The following JPH1 variants were observed in gnomAD, a reference collection of about 807,000 sequenced individuals.
The protein encoded by JPH1 is junctophilin 1, also known as junctophilin-1.
A neutral mutation model predicts 53.6 loss-of-function variants in JPH1; 12 were observed. The ratio of observed to expected loss-of-function variants is 0.22; its 90% CI spans 0.14 to 0.36. The LOEUF (loss-of-function observed/expected upper bound fraction) is 0.36. Among genes scored for constraint, JPH1 ranks in the 10% least tolerant of loss-of-function variants. JPH1 has a pLI of 1.00. For synonymous variants in JPH1, 375 were observed against 363.8 expected, an observed-to-expected ratio of 1.03 and a Z score of -0.35; for missense variants, 808 against 905.5, an observed-to-expected ratio of 0.89 and a Z score of 1.38.
intron 3 of JPH1, among the ~76,000 whole-genome samples, chr8:74,257,448 G>T (rs1348183154): frequency 6.6e-6 from 1 of 152,158 alleles, no homozygotes; most frequent in Non-Finnish European, 1.5e-5. Flanking sequence ...AGAATTAACA[G>T]AACCAAGAAA....
intron 4 of JPH1, among the ~76,000 whole-genome samples, chr8:74,242,198 G>C (rs1181331127): frequency 1.3e-5 from 2 of 152,180 alleles, no homozygotes; most frequent in Non-Finnish European, 2.9e-5. Flanking sequence ...AATAGCCAGG[G>C]TGATCCTGAG....
chr8:74,255,744 C>T (rs975611616), intron 3 of JPH1, among the ~76,000 whole-genome samples: 2 of 152,180 alleles, frequency 1.3e-5, no homozygotes, highest in Admixed American at 6.5e-5. Context: ...TATGAACAGA[C>T]ACTTCTCAAA....
At chr8:74,318,635 G>T (rs921213180) in intron 1 of JPH1, among the ~76,000 whole-genome samples, 1 of 152,108 alleles carries the variant, frequency 6.6e-6, no homozygotes, top group Non-Finnish European at 1.5e-5. Flanking sequence ...TGGAATTACT[G>T]CTTCCTTCCT....
At chr8:74,255,815 A>G (rs1806205145) in intron 3 of JPH1, among the ~76,000 whole-genome samples, 1 of 152,238 alleles carries the variant, frequency 6.6e-6, no homozygotes, top group Non-Finnish European at 1.5e-5. Context: ...TGGCCATCAG[A>G]GAAATGCAAA....
intron 2 of JPH1, among the ~76,000 whole-genome samples, chr8:74,272,661 T>C (rs1490636106): frequency 1.3e-5 from 2 of 148,752 alleles, no homozygotes; most frequent in East Asian, 2.0e-4. Context: ...TGGAGTGCAG[T>C]GGCGCGATCT....
chr8:74,241,054 T>A (rs996188098), intron 4 of JPH1, among the ~76,000 whole-genome samples: 1 of 151,818 alleles, frequency 6.6e-6, no homozygotes, highest in African/African-American at 2.4e-5. Context: ...TACATATATA[T>A]TTTTTTCTTT....
chr8:74,302,119 C>G (rs182044719), intron 2 of JPH1, among the ~76,000 whole-genome samples: 24 of 152,340 alleles, frequency 1.6e-4, no homozygotes, highest in Admixed American at 7.8e-4. Context: ...CACTCAAGAC[C>G]TGTTGGGTCT....
chr8:74,285,549 T>C (rs1475499210), intron 2 of JPH1, among the ~76,000 whole-genome samples: 1 of 152,184 alleles, frequency 6.6e-6, no homozygotes, highest in Non-Finnish European at 1.5e-5. Flanking sequence ...ATTTCCTTTT[T>C]ATAAATTTAG....
chr8:74,251,306 C>G (rs1806051685), intron 3 of JPH1, among the ~76,000 whole-genome samples: 1 of 152,094 alleles, frequency 6.6e-6, no homozygotes, highest in Admixed American at 6.5e-5. Flanking sequence ...TTTTATAACC[C>G]AATCAGGTTA....
intron 2 of JPH1, among the ~76,000 whole-genome samples, chr8:74,290,202 G>C (rs1429963978): frequency 1.3e-5 from 2 of 152,180 alleles, no homozygotes; most frequent in African/African-American, 4.8e-5. Flanking sequence ...AATTATCCCT[G>C]TTTGCAGATG....
Position 74,235,912 on chromosome 8 carries a change from A to C in JPH1, c.*1139T>G, listed in dbSNP as rs891841854. The C allele has an allele frequency of 6.6e-6, 1 of 152,264 alleles. No homozygotes were observed. The highest frequency in any genetic ancestry group is 2.4e-5 in the African/African-American group (1 of 41,478). 9.4% of individuals were successfully genotyped at this position (152,264 alleles called of 1,614,324 possible). A position where few individuals can be genotyped will look rare whatever the true frequency, so the allele number is the denominator to read the frequency against. ...CAACAGAAATTTAAGTTGGAAAAAG[A>C]AAACAAGAAAGAGCAGAGCAGTTTA... On this transcript the variant is annotated 3_prime_UTR_variant, in exon 6 of 6. Coordinates refer to ENST00000342232, the MANE Select transcript of JPH1 (RefSeq NM_020647.4).
intron 2 of JPH1, among the ~76,000 whole-genome samples, chr8:74,298,108 C>T (rs753963586): frequency 2.0e-5 from 3 of 152,166 alleles, no homozygotes; most frequent in Non-Finnish European, 4.4e-5. Flanking sequence ...TTGATGTATT[C>T]ATATCCTCGG....
intron 2 of JPH1, among the ~76,000 whole-genome samples, chr8:74,287,749 G>A (rs1474721831): frequency 6.6e-6 from 1 of 151,532 alleles, no homozygotes; most frequent in Admixed American, 6.6e-5. Context: ...ATTTCCGTCT[G>A]ACTATACATT....
Position 74,296,779 on chromosome 8 carries a change from G to C in JPH1, c.1139+18082C>G, listed in dbSNP as rs140991678. Among the ~76,000 whole-genome samples, 3 of 151,992 alleles carry C rather than the reference G, an allele frequency of 2.0e-5. No homozygotes were observed. The South Asian group carries it at 6.2e-4, about 32-fold the overall frequency. On this transcript the variant is annotated intron_variant, in intron 2 of 5. Transcript: ENST00000342232. The stretch of plus-strand genomic sequence containing the variant: ...AATAAATATTGTATATATTTATAGC[G>C]TATAACGTGATGCTTTGATATATGG...
chr8:74,307,638 C>A (rs191731094), intron 2 of JPH1, among the ~76,000 whole-genome samples: 3 of 152,268 alleles, frequency 2.0e-5, no homozygotes, highest in African/African-American at 7.2e-5. Flanking sequence ...CAGAAGGCAT[C>A]AGAAGGATTT....
intron 2 of JPH1, among the ~76,000 whole-genome samples, chr8:74,313,282 G>A (rs1808047995): frequency 6.6e-6 from 1 of 152,180 alleles, no homozygotes; most frequent in Non-Finnish European, 1.5e-5. Context: ...GATGTGCTGA[G>A]TATCTGATCT....
At chr8:74,256,184 C>T (rs1806221275) in intron 3 of JPH1, among the ~76,000 whole-genome samples, 1 of 152,138 alleles carries the variant, frequency 6.6e-6, no homozygotes. Context: ...AAATGTGGCA[C>T]ATATACACCG....
At chr8:74,318,269 A>T (rs898023601) in intron 1 of JPH1, among the ~76,000 whole-genome samples, 5 of 152,130 alleles carry the variant, frequency 3.3e-5, no homozygotes, top group African/African-American at 1.2e-4. Context: ...TTCATTTGGG[A>T]GCTAATTTTT....
intron 2 of JPH1, among the ~76,000 whole-genome samples, chr8:74,312,146 G>A (rs572178991): frequency 5.3e-5 from 8 of 152,066 alleles, no homozygotes; most frequent in Non-Finnish European, 1.0e-4. Flanking sequence ...AAATATAGAA[G>A]GTTAATTGAA....
Sources: gnomAD v4.1 joint callset for allele counts (sites outside exome capture counted in the v4.1 genomes callset) on GRCh38, gnomAD v4.1.1 for gene constraint, MANE v1.5 for transcripts, NCBI Gene and HGNC (gene_info 2026-07-23, HGNC 2026-07-21) for gene names.